RBPJ: variants seen among roughly 807,000 people sequenced by gnomAD.
The protein encoded by RBPJ is recombining binding protein suppressor of hairless.
Under a neutral mutation model 67.8 loss-of-function variants are expected in RBPJ, and 9 were observed. The observed-to-expected ratio is 0.13, with a 90% CI of 0.08 to 0.23. RBPJ has a LOEUF of 0.23. Among genes scored for constraint, RBPJ ranks in the 10% least tolerant of loss-of-function variants. The pLI is 1.00. For missense variants in RBPJ, 305 were observed against 595.6 expected (o/e 0.51, Z 5.08); for synonymous variants, 198 against 203.3 (o/e 0.97, Z 0.22).
rs61575988 is a variant in RBPJ, at chr4:26,407,883, C to CTTTTTTTTTTT, written c.155+1632_155+1642dup. On this transcript the variant is annotated intron_variant, in intron 3 of 10. Coordinates refer to ENST00000355476, the MANE Select transcript of RBPJ (RefSeq NM_015874.6). Reference sequence around the variant, plus strand: ...TGAAAAGAGGGGTAAAGCTTTCTTTCTTTTTTTTTTTTTTTTTTTTTTTTT... The same window carrying CTTTTTTTTTTT: ...TGAAAAGAGGGGTAAAGCTTTCTTTCTTTTTTTTTTTTTTTTTTTTTTTTTTTTTTTTTTTT... Among the ~76,000 whole-genome samples, 72 of 63,632 alleles carry CTTTTTTTTTTT rather than the reference C, an allele frequency of 1.1e-3. 8 individuals are homozygous for CTTTTTTTTTTT. Among genetic ancestry groups the CTTTTTTTTTTT allele is most frequent in the African/African-American group, 4.6e-3 (70 of 15,134 alleles). The allele number at this position is 63,632 out of a possible 152,430, so 41.7% of individuals were successfully genotyped here.
chr4:26,200,179 G>A (rs1042019372), intron 1 of RBPJ, among the ~76,000 whole-genome samples: 2 of 152,204 alleles, frequency 1.3e-5, no homozygotes, highest in African/African-American at 2.4e-5. Flanking sequence ...AGTGAAGTTA[G>A]CAAAGTCCTT....
At chr4:26,109,289 A>C in the RBPJ span, among the ~76,000 whole-genome samples, 3 of 150,494 alleles carry the variant, frequency 2.0e-5, no homozygotes, top group African/African-American at 7.3e-5. Context: ...TATTTTTAGA[A>C]GAGATGGGGT....
At chr4:26,300,394 CTA>C (rs1722036581) in intron 1 of RBPJ, among the ~76,000 whole-genome samples, 1 of 152,220 alleles carries the variant, frequency 6.6e-6, no homozygotes, top group African/African-American at 2.4e-5. Flanking sequence ...ATATCCAAGT[CTA>C]TACTCCTGAA....
chr4:26,105,689 A>C, the RBPJ span, among the ~76,000 whole-genome samples: 13 of 152,228 alleles, frequency 8.5e-5, no homozygotes, highest in Non-Finnish European at 1.9e-4. Context: ...AGATTGAAAC[A>C]AAAAAACAAG....
intron 1 of RBPJ, among the ~76,000 whole-genome samples, chr4:26,207,349 A>T (rs201318637): frequency 1.2e-4 from 2 of 16,134 alleles, no homozygotes; most frequent in Non-Finnish European, 2.9e-4. Context: ...GTGTGTTTCT[A>T]AAAAAAAAAT....
intron 2 of RBPJ, among the ~76,000 whole-genome samples, chr4:26,388,186 A>G (rs1731113354): frequency 6.6e-6 from 1 of 152,184 alleles, no homozygotes; most frequent in African/African-American, 2.4e-5. Context: ...TTGTAGAGAC[A>G]GGGTCTCACT....
chr4:26,430,641 A>G lies in RBPJ; in HGVS notation c.1149-51A>G, dbSNP rs755220868. ...CCTTGTGTTAAGTCTCATTTTTAAC[A>G]TGTACTTTGCTTTTTAAAGTGTTTT... On this transcript the variant is annotated intron_variant, in intron 10 of 10. Coordinates refer to ENST00000355476, the MANE Select transcript of RBPJ (RefSeq NM_015874.6). The surrounding 1 kb of genome is among the most constrained non-coding windows in gnomAD (Gnocchi z 4.1). 2 of 1,584,458 alleles carry G rather than the reference A, an allele frequency of 1.3e-6. No homozygotes were observed. Among genetic ancestry groups the G allele is most frequent in the South Asian group, 2.3e-5 (2 of 88,122 alleles).
intron 1 of RBPJ, among the ~76,000 whole-genome samples, chr4:26,368,964 A>G (rs1728890546): frequency 1.3e-5 from 2 of 152,204 alleles, no homozygotes; most frequent in African/African-American, 4.8e-5. Context: ...CCAATTTTCA[A>G]TCCTTGGTCT....
At chr4:26,393,434 G>T (rs780171230) in intron 2 of RBPJ, among the ~76,000 whole-genome samples, 2 of 152,138 alleles carry the variant, frequency 1.3e-5, no homozygotes, top group Non-Finnish European at 2.9e-5. Context: ...TAGCGCAGTG[G>T]TGTGATCTTG....
chr4:26,418,742 T>G (rs1318120023), intron 4 of RBPJ, among the ~76,000 whole-genome samples: 1 of 152,236 alleles, frequency 6.6e-6, no homozygotes, highest in Non-Finnish European at 1.5e-5. Context: ...ATAAATTTCA[T>G]TTTTGCTTCC....
chr4:26,206,672 T>C (rs1718179222), intron 1 of RBPJ, among the ~76,000 whole-genome samples: 2 of 150,716 alleles, frequency 1.3e-5, no homozygotes, highest in African/African-American at 4.9e-5. Context: ...GTTTATAAGA[T>C]ATAATTTTTT....
chr4:26,424,787 T>G lies in RBPJ; in HGVS notation c.747+44T>G. 1 of 1,140,008 alleles carries G rather than the reference T, an allele frequency of 8.8e-7. No homozygotes were observed. Among genetic ancestry groups the G allele is most frequent in the Non-Finnish European group, 1.3e-6 (1 of 768,226 alleles). 70.6% of individuals were successfully genotyped at this position (1,140,008 alleles called of 1,614,324 possible). A position where few individuals can be genotyped will look rare whatever the true frequency, so the allele number is the denominator to read the frequency against. On this transcript the variant is annotated intron_variant, in intron 7 of 10. Coordinates refer to ENST00000355476, the MANE Select transcript of RBPJ (RefSeq NM_015874.6). This position sits in a 1 kb window ranked among gnomAD's most constrained non-coding sequence, Gnocchi z 5.3. Reference sequence around the variant, plus strand: ...TTTAGTGATAATGTGAAGTAAAAATTAATTTCTTAAACAGGAAAATCACAA... The same window carrying G: ...TTTAGTGATAATGTGAAGTAAAAATGAATTTCTTAAACAGGAAAATCACAA...
chr4:26,115,815 C>G, the RBPJ span, among the ~76,000 whole-genome samples: 1 of 152,122 alleles, frequency 6.6e-6, no homozygotes, highest in East Asian at 1.9e-4. Context: ...GGTTTTTCAG[C>G]TACCTCTGGG....
chr4:26,196,139 A>G (rs552936356), intron 1 of RBPJ, among the ~76,000 whole-genome samples: 3 of 152,352 alleles, frequency 2.0e-5, no homozygotes, highest in African/African-American at 7.2e-5. Context: ...GAGTGGTCAT[A>G]GCAGCATCAT....
chr4:26,238,092 C>T (rs1560223054), intron 1 of RBPJ, among the ~76,000 whole-genome samples: 1 of 152,174 alleles, frequency 6.6e-6, no homozygotes, highest in Non-Finnish European at 1.5e-5. Flanking sequence ...GACAGGGTCT[C>T]ACCCTGTTGC....
intron 1 of RBPJ, among the ~76,000 whole-genome samples, chr4:26,276,821 ATTC>A (rs1156508323): frequency 1.3e-5 from 2 of 152,248 alleles, no homozygotes; most frequent in African/African-American, 2.4e-5. Context: ...CTTTGAAGAA[ATTC>A]TTCTTTCTGT....
intron 1 of RBPJ, among the ~76,000 whole-genome samples, chr4:26,285,612 T>A (rs1172144967): frequency 6.9e-6 from 1 of 143,936 alleles, no homozygotes; most frequent in Non-Finnish European, 1.5e-5. Flanking sequence ...TGCCATCAAC[T>A]CTACACCTCA....
chr4:26,145,470 C>T, the RBPJ span, among the ~76,000 whole-genome samples: 1 of 152,206 alleles, frequency 6.6e-6, no homozygotes, highest in Non-Finnish European at 1.5e-5. Context: ...TCTACAAATG[C>T]ACTAATCTTC....
At chr4:26,231,636 G>A (rs1350635790) in intron 1 of RBPJ, among the ~76,000 whole-genome samples, 2 of 151,374 alleles carry the variant, frequency 1.3e-5, no homozygotes, top group Non-Finnish European at 2.9e-5. Context: ...AGTCTCGAAT[G>A]CCTGACCTCA....
Sources: allele counts gnomAD v4.1 joint callset (sites outside exome capture counted in the v4.1 genomes callset), GRCh38; gene constraint gnomAD v4.1.1; non-coding constraint Gnocchi (gnomAD v3.1); transcripts MANE v1.5; gene names NCBI Gene and HGNC (gene_info 2026-07-23, HGNC 2026-07-21).